The following RSRC1 variants were observed in gnomAD, a reference collection of about 807,000 sequenced individuals.
RSRC1 encodes arginine and serine rich coiled-coil 1, also known as serine/Arginine-related protein 53.
In RSRC1, 39 loss-of-function variants were observed where a neutral mutation model predicts 49.1. The observed-to-expected ratio is 0.79, with a 90% CI of 0.61 to 1.04. RSRC1 has a LOEUF of 1.04. RSRC1 is among the 50% of genes least tolerant of loss of function. RSRC1 has a pLI of 0.00. For missense variants in RSRC1, 388 were observed against 402.4 expected, an observed-to-expected ratio of 0.96 and a Z score of 0.31; for synonymous variants, 143 against 130.8, an observed-to-expected ratio of 1.09 and a Z score of -0.63.
At chr3:158,270,226 T>G (rs1725429672) in intron 4 of RSRC1, among the ~76,000 whole-genome samples, 1 of 152,210 alleles carries the variant, frequency 6.6e-6, no homozygotes, top group South Asian at 2.1e-4. Flanking sequence ...TTTGCTGCTG[T>G]GTTTGCTTAA....
intron 4 of RSRC1, among the ~76,000 whole-genome samples, chr3:158,224,939 C>A (rs1722439306): frequency 6.6e-6 from 1 of 151,854 alleles, no homozygotes; most frequent in Non-Finnish European, 1.5e-5. Context: ...AGTATCCTTT[C>A]TGGCTAAGTA....
In RSRC1 at chr3:158,543,350, G is replaced by C. The variant is rs1215276428; in HGVS notation, c.775G>C (p.Glu259Gln). 3 of 1,583,420 alleles carry C rather than the reference G, an allele frequency of 1.9e-6. No homozygotes were observed. In the African/African-American group the frequency reaches 4.1e-5, roughly 22 times the overall value. The change falls in exon 9 of 10, where the codon GAA becomes CAA. Residue 259 changes from glutamate to glutamine, a missense_variant. Physicochemically the swap from Glu to Gln is conservative, Grantham distance 29. Coordinates refer to ENST00000611884, the MANE Select transcript of RSRC1 (RefSeq NM_001271838.2). ...TTTCTTTCAGTCAGTGGAACCTAGT[G>C]AAGTGAAACAAGCAACTTCAACATC... ...KEVKKSVEPS[E>Q]VKQATSTSGP...
intron 7 of RSRC1, among the ~76,000 whole-genome samples, chr3:158,488,461 A>G (rs1382048370): frequency 2.0e-5 from 3 of 152,138 alleles, no homozygotes; most frequent in Non-Finnish European, 4.4e-5. Context: ...CCTGCCATCC[A>G]TGTTCAGCTC....
At chr3:158,191,700 G>C (rs1390563942) in intron 3 of RSRC1, among the ~76,000 whole-genome samples, 1 of 151,974 alleles carries the variant, frequency 6.6e-6, no homozygotes, top group Admixed American at 6.6e-5. Flanking sequence ...GTACTCTAGA[G>C]ACTTCTAGAG....
chr3:158,129,014 G>C (rs4680411), intron 3 of RSRC1, among the ~76,000 whole-genome samples: 1 of 152,036 alleles, frequency 6.6e-6, no homozygotes. Context: ...AACCTTGATC[G>C]TGTAGTTAAG....
chr3:158,324,325 T>C (rs1268703850), intron 5 of RSRC1, among the ~76,000 whole-genome samples: 1 of 152,140 alleles, frequency 6.6e-6, no homozygotes, highest in Non-Finnish European at 1.5e-5. Flanking sequence ...GTTGGTGTGC[T>C]GCACCCATTA....
At chr3:158,176,222 C>T (rs895791662) in intron 3 of RSRC1, among the ~76,000 whole-genome samples, 2 of 152,174 alleles carry the variant, frequency 1.3e-5, no homozygotes, top group African/African-American at 2.4e-5. Context: ...AATGGCCATA[C>T]TGCCCAAGGT....
chr3:158,330,276 C>T (rs1729470665), intron 5 of RSRC1, among the ~76,000 whole-genome samples: 1 of 152,168 alleles, frequency 6.6e-6, no homozygotes, highest in South Asian at 2.1e-4. Flanking sequence ...AGTGAGATTT[C>T]CTCAGTTGGA....
chr3:158,479,826 G>A (rs1019838673), intron 7 of RSRC1, among the ~76,000 whole-genome samples: 1 of 151,874 alleles, frequency 6.6e-6, no homozygotes, highest in Non-Finnish European at 1.5e-5. Context: ...CTTAACATTG[G>A]CCTAATTACT....
rs992878825 is a variant in RSRC1, at chr3:158,506,828, G to GTATATATTTTATATATGTATATATTTA, written c.653-30241_653-30215dup. On this transcript the variant is annotated intron_variant, in intron 7 of 9. Transcript: ENST00000611884. ...CCAGGAATCCCACTGGTGTGTGTGT[G>GTATATATTTTATATATGTATATATTTA]TATATATTTTATATATGTATATATT... Among the ~76,000 whole-genome samples the GTATATATTTTATATATGTATATATTTA allele has an allele frequency of 3.3e-5, 5 of 149,448 alleles. No homozygotes were observed. In the South Asian group the frequency reaches 8.4e-4, roughly 25 times the overall value.
intron 6 of RSRC1, among the ~76,000 whole-genome samples, chr3:158,421,125 C>A (rs1370940029): frequency 6.6e-6 from 1 of 151,788 alleles, no homozygotes; most frequent in Non-Finnish European, 1.5e-5. Context: ...AAGTCCCAGG[C>A]AAGCTGAGAC....
intron 7 of RSRC1, among the ~76,000 whole-genome samples, chr3:158,499,105 C>T (rs189596681): frequency 1.9e-4 from 29 of 152,020 alleles, no homozygotes; most frequent in East Asian, 3.9e-4. Context: ...TGGCTGGGCG[C>T]GGTGGCTCAC....
chr3:158,496,074 C>T (rs1461332891), intron 7 of RSRC1, among the ~76,000 whole-genome samples: 1 of 152,082 alleles, frequency 6.6e-6, no homozygotes, highest in African/African-American at 2.4e-5. Flanking sequence ...ATTTGTGCCC[C>T]TCTACTACTC....
chr3:158,332,971 GTT>G (rs371669802), intron 5 of RSRC1, among the ~76,000 whole-genome samples: 4 of 136,096 alleles, frequency 2.9e-5, no homozygotes, highest in Non-Finnish European at 3.2e-5. Context: ...TCTGTTTTTT[GTT>G]TTTTTTTTTT....
At chr3:158,141,083 T>A (rs1419121724) in intron 3 of RSRC1, among the ~76,000 whole-genome samples, 1 of 152,212 alleles carries the variant, frequency 6.6e-6, no homozygotes, top group Non-Finnish European at 1.5e-5. Flanking sequence ...GTATGGATGT[T>A]TTTAAAGTCC....
chr3:158,241,689 T>C (rs1309555360), intron 4 of RSRC1, among the ~76,000 whole-genome samples: 1 of 152,002 alleles, frequency 6.6e-6, no homozygotes, highest in Non-Finnish European at 1.5e-5. Flanking sequence ...ATTTAGTAGT[T>C]TATGATGAAT....
chr3:158,131,422 A>T (rs11712868), intron 3 of RSRC1, among the ~76,000 whole-genome samples: 2,776 of 152,044 alleles, frequency 0.018, 48 homozygotes, highest in Non-Finnish European at 0.029. Context: ...AGTCATTTCT[A>T]TGTACTGAAG....
intron 3 of RSRC1, among the ~76,000 whole-genome samples, chr3:158,128,861 C>T (rs1472295477): frequency 6.6e-6 from 1 of 152,088 alleles, no homozygotes; most frequent in African/African-American, 2.4e-5. Flanking sequence ...TGTAGATTGC[C>T]CCTCAGCCTG....
chr3:158,542,425 C>T (rs920763926), intron 8 of RSRC1, among the ~76,000 whole-genome samples: 1 of 152,168 alleles, frequency 6.6e-6, no homozygotes, highest in Non-Finnish European at 1.5e-5. Flanking sequence ...ATCCCAGATA[C>T]TCGGGAGGCT....
Sources: allele counts gnomAD v4.1 joint callset (sites outside exome capture counted in the v4.1 genomes callset), GRCh38; gene constraint gnomAD v4.1.1; transcripts MANE v1.5; gene names NCBI Gene and HGNC (gene_info 2026-07-23, HGNC 2026-07-21).